LCK: variants seen among roughly 807,000 people sequenced by gnomAD.
LCK encodes tyrosine-protein kinase Lck.
LCK carries 14 observed loss-of-function variants against 64.6 expected under a neutral mutation model. The observed-to-expected ratio is 0.22, with a 90% confidence interval of 0.14 to 0.34. LCK has a LOEUF of 0.34. LCK is among the 10% of genes least tolerant of loss of function. The pLI, the probability that LCK is intolerant of heterozygous loss-of-function variation, is 1.00. For missense variants in LCK, 434 were observed against 668.1 expected, an observed-to-expected ratio of 0.65 and a Z score of 3.86; for synonymous variants, 277 against 263.6, an observed-to-expected ratio of 1.05 and a Z score of -0.49.
Position 32,280,214 on chromosome 1 carries a change from A to G in LCK, c.1327+4A>G, listed in dbSNP as rs1450092770. 1 of 1,614,114 alleles carries G rather than the reference A, an allele frequency of 6.2e-7. No homozygotes were observed. Among genetic ancestry groups the G allele is most frequent in the Admixed American group, 1.7e-5 (1 of 60,010 alleles). On this transcript the variant is annotated splice_donor_region_variant and intron_variant, in intron 12 of 12. Coordinates refer to ENST00000336890, the MANE Select transcript of LCK (RefSeq NM_005356.5). ...CACGGCCGCATCCCTTACCCAGGTT[A>G]GAGCCAAGGGCAGGAACTGAAAGGG... is the stretch of plus-strand genomic sequence containing the variant.
At chr1:32,258,062 T>C (rs905152101) in intron 1 of LCK, among the ~76,000 whole-genome samples, 1 of 151,834 alleles carries the variant, frequency 6.6e-6, no homozygotes, top group African/African-American at 2.4e-5. Flanking sequence ...GCAAGGGGAC[T>C]GCTTGAGCCC....
At chr1:32,283,061 T>C (rs1232541320) in intron 12 of LCK, among the ~76,000 whole-genome samples, 1 of 151,744 alleles carries the variant, frequency 6.6e-6, no homozygotes, top group Non-Finnish European at 1.5e-5. Context: ...GAGGCTGAGA[T>C]GAGCGGATCA....
intron 12 of LCK, 75 bp downstream of exon 12, chr1:32,280,285 T>G: frequency 5.7e-6 from 9 of 1,579,680 alleles, no homozygotes; most frequent in Non-Finnish European, 7.8e-6. Flanking sequence ...TTCTTTCCAG[T>G]CTCAGAATCT....
chr1:32,275,741 G>A lies in LCK; in HGVS notation c.481+69G>A. On this transcript the variant is annotated intron_variant, in intron 6 of 12. Coordinates refer to ENST00000336890, the MANE Select transcript of LCK (RefSeq NM_005356.5). The surrounding 1 kb of genome is among the most constrained non-coding windows in gnomAD (Gnocchi z 6.9). ...GTGTGCCCGAGGGGGGGCGCAGGGT[G>A]AGCCCGAGGTGGAGACACGGGGTGA... is the stretch of plus-strand genomic sequence containing the variant. 4 of 1,453,132 alleles carry A rather than the reference G, an allele frequency of 2.8e-6. No homozygotes were observed. Among genetic ancestry groups the A allele is most frequent in the South Asian group, 1.2e-5 (1 of 81,330 alleles). The allele number at this position is 1,453,132 out of a possible 1,614,324, so 90.0% of individuals were successfully genotyped here. A position where few individuals can be genotyped will look rare whatever the true frequency, so the allele number is the denominator to read the frequency against.
chr1:32,274,062 C>G (rs1035973189), intron 1 of LCK: 1 of 569,022 alleles, frequency 1.8e-6, no homozygotes, highest in Non-Finnish European at 3.0e-6. Flanking sequence ...GTGCCTGTGG[C>G]GGTTTGCCCA....
chr1:32,281,469 A>G (rs1047272007), intron 12 of LCK, among the ~76,000 whole-genome samples: 1 of 151,398 alleles, frequency 6.6e-6, no homozygotes, highest in African/African-American at 2.4e-5. Context: ...CAAAAAAAAA[A>G]AAAAAGAAAA....
chr1:32,265,614 C>T (rs909275950), intron 1 of LCK, among the ~76,000 whole-genome samples: 13 of 152,118 alleles, frequency 8.5e-5, no homozygotes, highest in African/African-American at 2.4e-4. Context: ...ATTTTCTGGC[C>T]CAGATTCAGT....
chr1:32,277,935 G>C (rs2124363195), intron 9 of LCK, among the ~76,000 whole-genome samples: 1 of 152,302 alleles, frequency 6.6e-6, no homozygotes, highest in South Asian at 2.1e-4. Flanking sequence ...CAGCACTTTG[G>C]GAGGCCAAGG....
At chr1:32,255,974 A>T (rs1639623022) in intron 1 of LCK, among the ~76,000 whole-genome samples, 1 of 151,634 alleles carries the variant, frequency 6.6e-6, no homozygotes, top group Non-Finnish European at 1.5e-5. Context: ...AGCTAATTAT[A>T]AAAAAATTCT....
intron 1 of LCK, among the ~76,000 whole-genome samples, chr1:32,272,587 A>AAGAGAGAG (rs1165086234): frequency 7.6e-6 from 1 of 131,698 alleles, no homozygotes; most frequent in South Asian, 2.4e-4. Flanking sequence ...GAGAGAGAGA[A>AAGAGAGAG]AGAGAGAGAG....
At chr1:32,254,542 T>C (rs1316574282) in intron 1 of LCK, among the ~76,000 whole-genome samples, 1 of 152,176 alleles carries the variant, frequency 6.6e-6, no homozygotes, top group Non-Finnish European at 1.5e-5. Context: ...GACAGAGTTT[T>C]ACTCTTGTTG....
chr1:32,252,235 C>T (rs1639526122), intron 1 of LCK, among the ~76,000 whole-genome samples: 1 of 152,272 alleles, frequency 6.6e-6, no homozygotes, highest in South Asian at 2.1e-4. Context: ...CCCTGCCAAG[C>T]GTCACAGCAG....
At chr1:32,281,441 CAGAG>C (rs898754560) in intron 12 of LCK, among the ~76,000 whole-genome samples, 2 of 124,014 alleles carry the variant, frequency 1.6e-5, no homozygotes, top group Non-Finnish European at 1.6e-5. Context: ...GCCTGAGCAA[CAGAG>C]AGAGAATTTG....
At chr1:32,260,327 A>G (rs951220475) in intron 1 of LCK, among the ~76,000 whole-genome samples, 1 of 151,982 alleles carries the variant, frequency 6.6e-6, no homozygotes, top group African/African-American at 2.4e-5. Context: ...TTTTATTTTT[A>G]CAGAGACAAA....
chr1:32,262,136 G>A (rs1292291945), intron 1 of LCK, among the ~76,000 whole-genome samples: 1 of 142,296 alleles, frequency 7.0e-6, no homozygotes, highest in African/African-American at 2.6e-5. Flanking sequence ...CACCTGCCTC[G>A]GCCTCCCAAA....
chr1:32,276,506 G>A lies in LCK; in HGVS notation c.784+17G>A, dbSNP rs1640275397. 2 of 1,598,310 alleles carry A rather than the reference G, an allele frequency of 1.3e-6. No individual in the cohort carries two copies. The highest frequency in any genetic ancestry group is 1.7e-6 in the Non-Finnish European group (2 of 1,170,846). On this transcript the variant is annotated intron_variant, in intron 8 of 12. Transcript: ENST00000336890. This position sits in a 1 kb window ranked among gnomAD's most constrained non-coding sequence, Gnocchi z 4.6. ...TGTGGATGGGTGAGTGTGGCCTCCAGGACTGCCTGGGAAGAGGGGAACGGG... is the reference window on the plus strand; with the variant it reads ...TGTGGATGGGTGAGTGTGGCCTCCAAGACTGCCTGGGAAGAGGGGAACGGG...
chr1:32,285,423 C>T (rs953174162), intron 12 of LCK, 91 bp from the exon 13 acceptor site: 5 of 1,136,726 alleles, frequency 4.4e-6, no homozygotes, highest in Middle Eastern at 2.0e-4. Flanking sequence ...GATTGGTGCT[C>T]ACACTGTGCC....
In LCK at chr1:32,276,285, C is replaced by T; in HGVS notation, c.632-52C>T. ...CTTGGAGAAGTGGGGGAGGTGGTGT[C>T]AATACGAGGCCTGCCCTATTGACAG... On this transcript the variant is annotated intron_variant, in intron 7 of 12. Transcript: ENST00000336890. This position sits in a 1 kb window ranked among gnomAD's most constrained non-coding sequence, Gnocchi z 4.6. 6.6e-7 allele frequency: 1 copy of T among 1,521,708 alleles called. No individual in the cohort carries two copies. The highest frequency in any genetic ancestry group is 8.8e-7 in the Non-Finnish European group (1 of 1,138,970). 94.3% of individuals were successfully genotyped at this position (1,521,708 alleles called of 1,614,324 possible).
intron 12 of LCK, among the ~76,000 whole-genome samples, chr1:32,284,476 T>C (rs1015996776): frequency 6.6e-6 from 1 of 151,838 alleles, no homozygotes; most frequent in Non-Finnish European, 1.5e-5. Flanking sequence ...TTCAAGCAAT[T>C]ACTGTGACTC....
Sources: allele counts gnomAD v4.1 joint callset (sites outside exome capture counted in the v4.1 genomes callset), GRCh38; gene constraint gnomAD v4.1.1; non-coding constraint Gnocchi (gnomAD v3.1); transcripts MANE v1.5; gene names NCBI Gene and HGNC (gene_info 2026-07-23, HGNC 2026-07-21).